SIK3: variants seen among roughly 807,000 people sequenced by gnomAD.
SIK3 encodes SIK family kinase 3.
A neutral mutation model predicts 144.2 loss-of-function variants in SIK3; 28 were observed. The ratio of observed to expected loss-of-function variants is 0.19; its 90% CI spans 0.14 to 0.27. The LOEUF (loss-of-function observed/expected upper bound fraction) is 0.27. SIK3 is among the 10% of genes least tolerant of loss of function. The probability of loss-of-function intolerance (pLI) is 1.00; values close to 1 mark genes in which losing one functional copy is unlikely to be tolerated. For synonymous variants in SIK3, 686 were observed against 676.3 expected (o/e 1.01, Z -0.22); for missense variants, 1,319 against 1,776.0 (o/e 0.74, Z 4.62).
chr11:117,046,613 T>G lies in SIK3; in HGVS notation c.273+51530A>C, dbSNP rs151202971. Among the ~76,000 whole-genome samples, 532 of 152,306 alleles carry G rather than the reference T, an allele frequency of 3.5e-3. 5 individuals carry two copies. Among genetic ancestry groups the G allele is most frequent in the African/African-American group, 0.012 (513 of 41,574 alleles). Reference sequence around the variant, plus strand: ...TACTATATTGGTGAGGCAAAGTGGCTCACGCCCATAATCCCAGCACTTTGG... The same window carrying G: ...TACTATATTGGTGAGGCAAAGTGGCGCACGCCCATAATCCCAGCACTTTGG... On this transcript the variant is annotated intron_variant, in intron 1 of 24. Coordinates refer to ENST00000445177, the MANE Select transcript of SIK3 (RefSeq NM_001366686.3).
rs543309290 is a variant in SIK3, at chr11:117,004,583, G to C, written c.274-47519C>G. Among the ~76,000 whole-genome samples the C allele has an allele frequency of 5.9e-5, 9 of 152,282 alleles. No individual in the cohort carries two copies. The South Asian group carries it at 1.9e-3, about 32-fold the overall frequency. On this transcript the variant is annotated intron_variant, in intron 1 of 24. Coordinates refer to ENST00000445177, the MANE Select transcript of SIK3 (RefSeq NM_001366686.3). The stretch of plus-strand genomic sequence containing the variant: ...AGGGACCCTGAAAATACTTGGGTAA[G>C]TGCATTTTGCTAATCAATTCTGACA...
chr11:116,876,740 A>T (rs1424977237), intron 7 of SIK3, among the ~76,000 whole-genome samples, 184 bp downstream of exon 7: 1 of 152,222 alleles, frequency 6.6e-6, no homozygotes, highest in African/African-American at 2.4e-5. Flanking sequence ...AACCATGATC[A>T]CTATTCTCCA....
chr11:116,897,044 AAG>A, intron 5 of SIK3, 147 bp downstream of exon 5: 1 of 698,908 alleles, frequency 1.4e-6, no homozygotes, highest in Non-Finnish European at 2.2e-6. Flanking sequence ...AAAAAAAAAA[AAG>A]GCTTTGCACA....
At chr11:116,876,174 C>T (rs761159240) in intron 8 of SIK3, 79 bp downstream of exon 8, 2 of 1,510,282 alleles carry the variant, frequency 1.3e-6, no homozygotes, top group Non-Finnish European at 1.8e-6. Context: ...GGCCCAAGTT[C>T]CCGAGAAGGC....
chr11:117,030,172 A>G (rs2135792295), intron 1 of SIK3, among the ~76,000 whole-genome samples: 1 of 152,316 alleles, frequency 6.6e-6, no homozygotes, highest in Non-Finnish European at 1.5e-5. Flanking sequence ...AATCGAAACT[A>G]TATTTCTGCA....
intron 3 of SIK3, among the ~76,000 whole-genome samples, chr11:116,952,780 T>C (rs1209965203): frequency 6.6e-6 from 1 of 152,216 alleles, no homozygotes; most frequent in Admixed American, 6.5e-5. Flanking sequence ...AGTGTCTTAA[T>C]TGAGTCAGCA....
intron 1 of SIK3, among the ~76,000 whole-genome samples, chr11:116,993,013 GAAC>G (rs1174551385): frequency 6.6e-6 from 1 of 152,024 alleles, no homozygotes; most frequent in Non-Finnish European, 1.5e-5. Flanking sequence ...GACCAAATGT[GAAC>G]AACAACTAAA....
chr11:117,091,710 T>C (rs1329617718), intron 1 of SIK3, among the ~76,000 whole-genome samples: 2 of 152,212 alleles, frequency 1.3e-5, no homozygotes, highest in Non-Finnish European at 2.9e-5. Context: ...AACTCCTCCC[T>C]TGTGCCAAGA....
At chr11:117,023,621 A>AAAATATATATATATAT (rs754624841) in intron 1 of SIK3, among the ~76,000 whole-genome samples, 18 of 95,410 alleles carry the variant, frequency 1.9e-4, no homozygotes, top group African/African-American at 7.4e-4. Flanking sequence ...AAAAAAAAAA[A>AAAATATATATATATAT]ATATATATAT....
At chr11:116,926,139 T>A (rs61907591) in intron 4 of SIK3, among the ~76,000 whole-genome samples, 24,530 of 152,208 alleles carry the variant, frequency 0.16, 2,084 homozygotes, top group Admixed American at 0.21. Context: ...AACTGCTTTA[T>A]ACCTTGCCTT....
At chr11:116,984,258 T>C (rs1326839826) in intron 1 of SIK3, among the ~76,000 whole-genome samples, 2 of 151,938 alleles carry the variant, frequency 1.3e-5, no homozygotes, top group African/African-American at 2.4e-5. Context: ...AGAAGAGAAA[T>C]AGCTATTTTG....
intron 1 of SIK3, among the ~76,000 whole-genome samples, chr11:117,093,828 G>A (rs1200230184): frequency 6.6e-6 from 1 of 151,946 alleles, no homozygotes; most frequent in Non-Finnish European, 1.5e-5. Context: ...AAAGTCTATC[G>A]TCAGGATGGC....
chr11:117,043,661 AACATTCAACTG>A (rs1452087111), intron 1 of SIK3, among the ~76,000 whole-genome samples: 1 of 152,204 alleles, frequency 6.6e-6, no homozygotes, highest in Non-Finnish European at 1.5e-5. Flanking sequence ...TACTAAAATC[AACATTCAACTG>A]AACTGTTCAG....
chr11:116,924,405 G>A (rs116221739), intron 4 of SIK3, among the ~76,000 whole-genome samples: 4,471 of 152,136 alleles, frequency 0.029, 198 homozygotes, highest in African/African-American at 0.1. Context: ...TTGGGTCAGC[G>A]GACGGAAAAT....
chr11:117,055,581 CAGA>C (rs1315298505), intron 1 of SIK3, among the ~76,000 whole-genome samples: 4 of 152,126 alleles, frequency 2.6e-5, no homozygotes, highest in Non-Finnish European at 5.9e-5. Context: ...GGACAAAATC[CAGA>C]AGAATATAAT....
At chr11:116,854,460 C>T (rs1942710772) in intron 21 of SIK3, among the ~76,000 whole-genome samples, 1 of 152,248 alleles carries the variant, frequency 6.6e-6, no homozygotes, top group African/African-American at 2.4e-5. Flanking sequence ...ATACTTCTTG[C>T]AGCACTCAGT....
rs142361477 is a variant in SIK3 at position 117,065,782 on chromosome 11, A to G, written c.273+32361T>C. On this transcript the variant is annotated intron_variant, in intron 1 of 24. Coordinates refer to ENST00000445177, the MANE Select transcript of SIK3 (RefSeq NM_001366686.3). ...GTAGCTGGTATTACAGGCATGCACCACCACACCTGGCTAATTTTTGTATTT... is the reference window on the plus strand; with the variant it reads ...GTAGCTGGTATTACAGGCATGCACCGCCACACCTGGCTAATTTTTGTATTT... 4.0e-3 allele frequency among the ~76,000 whole-genome samples: 603 copies of G among 151,816 alleles called. 4 individuals are homozygous for G. Among genetic ancestry groups the G allele is most frequent in the Middle Eastern group, 0.01 (3 of 294 alleles).
intron 1 of SIK3, among the ~76,000 whole-genome samples, chr11:117,024,964 C>T (rs1951949556): frequency 6.6e-6 from 1 of 151,978 alleles, no homozygotes; most frequent in South Asian, 2.1e-4. Context: ...GAATTCTACC[C>T]CATTCTTTAA....
At position 116,858,877 on chromosome 11, in the gene SIK3, C is replaced by T. The variant is rs1003162199; in HGVS notation, c.2766-178G>A. 1.3e-5 allele frequency among the ~76,000 whole-genome samples: 2 copies of T among 152,268 alleles called. No individual in the cohort carries two copies. The highest frequency in any genetic ancestry group is 4.8e-5 in the African/African-American group (2 of 41,554). On this transcript the variant is annotated intron_variant, in intron 20 of 24. Coordinates refer to ENST00000445177, the MANE Select transcript of SIK3 (RefSeq NM_001366686.3). The surrounding 1 kb of genome is among the most constrained non-coding windows in gnomAD (Gnocchi z 5.4). ...CATTACTGGCTTGTCCAGTAACCTC[C>T]AAGGGACTGAGGGCACTGCGTGGGT...
Sources: allele counts gnomAD v4.1 joint callset (sites outside exome capture counted in the v4.1 genomes callset), GRCh38; gene constraint gnomAD v4.1.1; non-coding constraint Gnocchi (gnomAD v3.1); transcripts MANE v1.5; gene names NCBI Gene and HGNC (gene_info 2026-07-23, HGNC 2026-07-21).